DNAL1: variants seen among roughly 807,000 people sequenced by gnomAD.
The protein encoded by DNAL1 is chromosome 14 open reading frame 168.
A neutral mutation model predicts 29.4 loss-of-function variants in DNAL1; 17 were observed. The ratio of observed to expected loss-of-function variants is 0.58; its 90% CI spans 0.40 to 0.87. The LOEUF (loss-of-function observed/expected upper bound fraction) is 0.87, where lower values mean the gene tolerates loss of function less well. Among genes scored for constraint, DNAL1 ranks in the 40% least tolerant of loss-of-function variants. The pLI, the probability that DNAL1 is intolerant of heterozygous loss-of-function variation, is 0.00. For synonymous variants in DNAL1, 78 were observed against 76.3 expected (o/e 1.02, Z -0.12); for missense variants, 188 against 214.1 (o/e 0.88, Z 0.76).
At chr14:73,678,513 T>C (rs1295455673) in intron 5 of DNAL1, among the ~76,000 whole-genome samples, 6 of 77,240 alleles carry the variant, frequency 7.8e-5, no homozygotes, top group Non-Finnish European at 1.5e-4. Context: ...CAGGTATTCT[T>C]TTTTTTTTTT....
chr14:73,692,674 A>G (rs1892203207), intron 7 of DNAL1, among the ~76,000 whole-genome samples: 2 of 151,988 alleles, frequency 1.3e-5, no homozygotes. Context: ...AAGCTACATT[A>G]TGGCCTTTTG....
Position 73,701,928 on chromosome 14 carries a change from AAATT to A in DNAL1, c.*5987_*5990del, listed in dbSNP as rs1457644596. ...TTGTGATTTGTTTCAAAATGGTAAT[AAATT>A]GTGTTATTTTGTAAAAAAAAAAAAA... is the stretch of plus-strand genomic sequence containing the variant. On this transcript the variant is annotated 3_prime_UTR_variant, in exon 8 of 8. Transcript: ENST00000553645. The A allele has an allele frequency of 1.5e-5, 2 of 134,204 alleles. No individual in the cohort carries two copies. Among genetic ancestry groups the A allele is most frequent in the African/African-American group, 5.9e-5 (2 of 33,664 alleles). The allele number at this position is 134,204 out of a possible 1,614,324, so 8.3% of individuals were successfully genotyped here.
chr14:73,696,952 G>C lies in DNAL1; in HGVS notation c.*1010G>C, dbSNP rs1385036612. ...ACAGCTCTTAAAATGTATTATGTAC[G>C]TGGTTGTGGAGGGAAGGGAGATGTT... On this transcript the variant is annotated 3_prime_UTR_variant, in exon 8 of 8. Coordinates refer to ENST00000553645, the MANE Select transcript of DNAL1 (RefSeq NM_031427.4). The C allele has an allele frequency of 6.6e-6, 1 of 152,148 alleles. No homozygotes were observed. The highest frequency in any genetic ancestry group is 1.5e-5 in the Non-Finnish European group (1 of 68,020). The allele number at this position is 152,148 out of a possible 1,614,324, so 9.4% of individuals were successfully genotyped here.
At chr14:73,681,619 A>ATATAT (rs1432754188) in intron 5 of DNAL1, among the ~76,000 whole-genome samples, 8 of 42,116 alleles carry the variant, frequency 1.9e-4, no homozygotes, top group Admixed American at 3.2e-4. Flanking sequence ...AAAAAAAAAA[A>ATATAT]AAAAAAAAAA....
chr14:73,674,963 C>T (rs560129089), intron 5 of DNAL1, among the ~76,000 whole-genome samples: 2 of 151,494 alleles, frequency 1.3e-5, no homozygotes, highest in East Asian at 3.9e-4. Flanking sequence ...TGACTAAAGA[C>T]ACACCTCATC....
chr14:73,680,667 C>G (rs777970750), intron 5 of DNAL1, among the ~76,000 whole-genome samples: 1 of 152,002 alleles, frequency 6.6e-6, no homozygotes, highest in Non-Finnish European at 1.5e-5. Context: ...AAAATCTTCT[C>G]TTCTAGCTAT....
rs960406671 is a variant in DNAL1, at chr14:73,701,167, A to G, written c.*5225A>G. The G allele has an allele frequency of 6.6e-6, 1 of 152,250 alleles. No homozygotes were observed. Among genetic ancestry groups the G allele is most frequent in the African/African-American group, 2.4e-5 (1 of 41,470 alleles). 9.4% of individuals were successfully genotyped at this position (152,250 alleles called of 1,614,324 possible). Reference sequence around the variant, plus strand: ...GTTAATTTCCCATATTGGGCAGTTTAGAGGAGACCCAGCCAACCAAATTAT... The same window carrying G: ...GTTAATTTCCCATATTGGGCAGTTTGGAGGAGACCCAGCCAACCAAATTAT... On this transcript the variant is annotated 3_prime_UTR_variant, in exon 8 of 8. Transcript: ENST00000553645.
chr14:73,661,384 A>T (rs745685257), intron 3 of DNAL1, among the ~76,000 whole-genome samples: 10 of 152,106 alleles, frequency 6.6e-5, no homozygotes, highest in Non-Finnish European at 1.5e-4. Context: ...CATTTATATT[A>T]ATATTTCAGT....
At chr14:73,687,884 G>A (rs1455552671) in intron 6 of DNAL1, among the ~76,000 whole-genome samples, 2 of 151,910 alleles carry the variant, frequency 1.3e-5, no homozygotes, top group African/African-American at 2.4e-5. Context: ...AATACCTAAC[G>A]TTAAATGACG....
At chr14:73,669,943 A>G (rs1195204646) in intron 4 of DNAL1, among the ~76,000 whole-genome samples, 1 of 152,096 alleles carries the variant, frequency 6.6e-6, no homozygotes, top group Non-Finnish European at 1.5e-5. Flanking sequence ...AATTTATTAA[A>G]TAAATTGAAG....
chr14:73,694,000 C>T (rs1037182636), intron 7 of DNAL1, among the ~76,000 whole-genome samples: 3 of 151,934 alleles, frequency 2.0e-5, no homozygotes, highest in Non-Finnish European at 4.4e-5. Flanking sequence ...TGCTCACTGC[C>T]GTAAAGAACA....
At chr14:73,654,234 A>G (rs1165969948) in intron 1 of DNAL1, among the ~76,000 whole-genome samples, 2 of 152,240 alleles carry the variant, frequency 1.3e-5, no homozygotes, top group African/African-American at 4.8e-5. Context: ...ATGTATTTTA[A>G]TATCAAGTAT....
intron 5 of DNAL1, among the ~76,000 whole-genome samples, chr14:73,681,335 A>G (rs1891869544): frequency 6.6e-6 from 1 of 151,336 alleles, no homozygotes; most frequent in East Asian, 1.9e-4. Flanking sequence ...GGGTTTCACC[A>G]TGTTGGCCAG....
At chr14:73,668,678 C>A (rs1269681684) in intron 4 of DNAL1, among the ~76,000 whole-genome samples, 1 of 151,706 alleles carries the variant, frequency 6.6e-6, no homozygotes, top group East Asian at 1.9e-4. Context: ...TCTTCTCCCT[C>A]TGTCTCTTTT....
intron 5 of DNAL1, among the ~76,000 whole-genome samples, chr14:73,680,848 C>A (rs1891858916): frequency 6.6e-6 from 1 of 152,154 alleles, no homozygotes; most frequent in Non-Finnish European, 1.5e-5. Context: ...AGGCGACAAA[C>A]CTGCTCAGCA....
At chr14:73,693,236 ACTT>A (rs1892219284) in intron 7 of DNAL1, among the ~76,000 whole-genome samples, 1 of 151,848 alleles carries the variant, frequency 6.6e-6, no homozygotes, top group Non-Finnish European at 1.5e-5. Flanking sequence ...TGGTAATGTA[ACTT>A]GGTATAACCA....
rs565036236 is a variant in DNAL1, at chr14:73,645,020, T to G, written c.-20T>G. The G allele has an allele frequency of 3.8e-5, 61 of 1,608,966 alleles. No homozygotes were observed. Among genetic ancestry groups the G allele is most frequent in the Non-Finnish European group, 4.7e-5 (55 of 1,178,162 alleles). On this transcript the variant is annotated 5_prime_UTR_variant, in exon 1 of 8. Transcript: ENST00000553645. The stretch of plus-strand genomic sequence containing the variant: ...CCGCGGGCCCTAGCAACCAGAGCAG[T>G]GACAGTAGCAACCGCCGGAATGGTG...
intron 5 of DNAL1, among the ~76,000 whole-genome samples, chr14:73,676,963 ATTTT>A (rs56879277): frequency 7.9e-6 from 1 of 126,654 alleles, no homozygotes. Context: ...AGTAGTATTC[ATTTT>A]TTTTTTTTTT....
intron 7 of DNAL1, among the ~76,000 whole-genome samples, chr14:73,694,308 G>A (rs1465831620): frequency 6.6e-6 from 1 of 150,920 alleles, no homozygotes; most frequent in Non-Finnish European, 1.5e-5. Flanking sequence ...GAGAAGAGAA[G>A]AGAAAAGGGA....
Sources: gnomAD v4.1 joint callset for allele counts (sites outside exome capture counted in the v4.1 genomes callset) on GRCh38, gnomAD v4.1.1 for gene constraint, MANE v1.5 for transcripts, NCBI Gene and HGNC (gene_info 2026-07-23, HGNC 2026-07-21) for gene names.